The following CSMD3 variants were observed in gnomAD, a reference collection of about 807,000 sequenced individuals.
The protein encoded by CSMD3 is CUB and sushi domain-containing protein 3.
A neutral mutation model predicts 435.2 loss-of-function variants in CSMD3; 177 were observed. That is an observed-to-expected ratio of 0.41 (90% CI 0.36 to 0.46). The LOEUF is 0.46. CSMD3 is among the 20% of genes least tolerant of loss of function. The pLI is 0.34. For missense variants in CSMD3, 4,265 were observed against 4,504.6 expected (o/e 0.95, Z 1.52); for synonymous variants, 1,656 against 1,520.5 (o/e 1.09, Z -2.07).
At chr8:112,618,847 CTG>C (rs1356704421) in intron 22 of CSMD3, among the ~76,000 whole-genome samples, 1 of 152,044 alleles carries the variant, frequency 6.6e-6, no homozygotes, top group East Asian at 1.9e-4. Flanking sequence ...ACTCCTATAA[CTG>C]TTTCTTTTTG....
intron 1 of CSMD3, among the ~76,000 whole-genome samples, chr8:113,428,981 A>G (rs1445885162): frequency 6.6e-6 from 1 of 151,796 alleles, no homozygotes; most frequent in East Asian, 1.9e-4. Context: ...AGCAAAGAAA[A>G]TCTTCATAAT....
chr8:112,885,102 A>G (rs1174824780), intron 10 of CSMD3, among the ~76,000 whole-genome samples: 1 of 151,660 alleles, frequency 6.6e-6, no homozygotes, highest in African/African-American at 2.4e-5. Context: ...CTTCCTTGGT[A>G]TACTGTGAGC....
intron 13 of CSMD3, among the ~76,000 whole-genome samples, chr8:112,755,331 AAATAATAATAAT>A (rs71309790): frequency 2.7e-4 from 35 of 128,724 alleles, no homozygotes; most frequent in South Asian, 7.8e-4. Context: ...ACTCCGTCTC[AAATAATAATAAT>A]AATAATAATA....
chr8:112,534,819 A>G (rs1343479350), intron 27 of CSMD3, among the ~76,000 whole-genome samples: 1 of 152,104 alleles, frequency 6.6e-6, no homozygotes, highest in Non-Finnish European at 1.5e-5. Flanking sequence ...GCACATCAAA[A>G]AGTTTATCCA....
chr8:112,437,429 A>T (rs751917071), intron 32 of CSMD3, among the ~76,000 whole-genome samples: 4 of 152,158 alleles, frequency 2.6e-5, no homozygotes, highest in Non-Finnish European at 4.4e-5. Context: ...GAAATTGCAG[A>T]CAACTTACAT....
At chr8:112,975,047 A>AT (rs1310348349) in intron 7 of CSMD3, among the ~76,000 whole-genome samples, 1 of 151,798 alleles carries the variant, frequency 6.6e-6, no homozygotes, top group Admixed American at 6.6e-5. Flanking sequence ...ACTACATTGA[A>AT]TTTTTTTCCT....
At chr8:112,769,259 C>A (rs1273118193) in intron 13 of CSMD3, among the ~76,000 whole-genome samples, 2 of 151,876 alleles carry the variant, frequency 1.3e-5, no homozygotes, top group Non-Finnish European at 1.5e-5. Context: ...AATCACTTTT[C>A]TGCTCAAAAC....
intron 22 of CSMD3, among the ~76,000 whole-genome samples, chr8:112,604,731 G>T (rs960720112): frequency 6.6e-6 from 1 of 152,020 alleles, no homozygotes; most frequent in Admixed American, 6.6e-5. Context: ...CCTGGCAAAG[G>T]TTTCATAATG....
At chr8:112,712,758 A>G (rs1046132298) in intron 13 of CSMD3, among the ~76,000 whole-genome samples, 4 of 151,738 alleles carry the variant, frequency 2.6e-5, no homozygotes, top group Middle Eastern at 3.4e-3. Context: ...GAATTACCAC[A>G]ATCCCTTGAC....
chr8:112,407,389 A>G (rs1831951539), intron 34 of CSMD3, among the ~76,000 whole-genome samples: 1 of 152,124 alleles, frequency 6.6e-6, no homozygotes, highest in South Asian at 2.1e-4. Context: ...TTGGTTTAGT[A>G]AAATAGAATG....
chr8:113,054,934 A>G (rs1308949056), intron 5 of CSMD3, among the ~76,000 whole-genome samples: 1 of 152,134 alleles, frequency 6.6e-6, no homozygotes, highest in African/African-American at 2.4e-5. Flanking sequence ...CTTTTCTTAC[A>G]TAACCTATTC....
At chr8:113,281,794 G>C (rs1346664751) in intron 2 of CSMD3, among the ~76,000 whole-genome samples, 1 of 151,776 alleles carries the variant, frequency 6.6e-6, no homozygotes, top group African/African-American at 2.4e-5. Context: ...GCTTTAAAGA[G>C]GTTCTGTTTG....
intron 32 of CSMD3, among the ~76,000 whole-genome samples, chr8:112,457,373 C>A (rs775193199): frequency 5.9e-5 from 9 of 152,008 alleles, no homozygotes; most frequent in African/African-American, 1.7e-4. Flanking sequence ...TAAGCCTGTA[C>A]AATTTTATCA....
intron 32 of CSMD3, among the ~76,000 whole-genome samples, chr8:112,463,791 C>T (rs982861033): frequency 2.0e-5 from 3 of 152,030 alleles, no homozygotes; most frequent in Non-Finnish European, 2.9e-5. Context: ...AAGCAGTCAC[C>T]GGCCCCTTTT....
At chr8:112,538,422 G>A (rs893790692) in intron 27 of CSMD3, among the ~76,000 whole-genome samples, 2 of 152,084 alleles carry the variant, frequency 1.3e-5, no homozygotes, top group Non-Finnish European at 2.9e-5. Context: ...CTTGTGTGCA[G>A]ATGACATGAT....
intron 5 of CSMD3, among the ~76,000 whole-genome samples, chr8:113,040,797 C>T (rs1163181350): frequency 6.6e-6 from 1 of 152,096 alleles, no homozygotes; most frequent in East Asian, 1.9e-4. Context: ...ATGGTGTTTA[C>T]AGTAACATTT....
At chr8:112,870,242 AG>A (rs934392104) in intron 10 of CSMD3, among the ~76,000 whole-genome samples, 1 of 151,250 alleles carries the variant, frequency 6.6e-6, no homozygotes, top group Admixed American at 6.6e-5. Context: ...AACCACAATG[AG>A]ACACCATCTC....
chr8:112,780,146 C>A (rs147960541), intron 13 of CSMD3, among the ~76,000 whole-genome samples: 1 of 152,040 alleles, frequency 6.6e-6, no homozygotes, highest in African/African-American at 2.4e-5. Context: ...TATACAGTAA[C>A]GCAAATGTAT....
At chr8:112,482,862 C>G (rs1374125253) in intron 31 of CSMD3, among the ~76,000 whole-genome samples, 1 of 152,102 alleles carries the variant, frequency 6.6e-6, no homozygotes, top group Non-Finnish European at 1.5e-5. Context: ...ACCACCATTA[C>G]TTTTAGGACA....
Sources: allele counts gnomAD v4.1 joint callset (sites outside exome capture counted in the v4.1 genomes callset), GRCh38; gene constraint gnomAD v4.1.1; transcripts MANE v1.5; gene names NCBI Gene and HGNC (gene_info 2026-07-23, HGNC 2026-07-21).